NEK1: variants seen among roughly 807,000 people sequenced by gnomAD.
NEK1 encodes serine/threonine-protein kinase Nek1.
In NEK1, 137 loss-of-function variants were observed where a neutral mutation model predicts 182.1. That is an observed-to-expected ratio of 0.75 (90% CI 0.65 to 0.87). NEK1 has a LOEUF of 0.87. Ranked by LOEUF, NEK1 falls within the 40% of genes least tolerant of loss-of-function variation. The pLI is 0.00. For missense variants in NEK1, 1,391 were observed against 1,494.4 expected (o/e 0.93, Z 1.14); for synonymous variants, 513 against 492.2 (o/e 1.04, Z -0.56).
rs1257745947 is a variant in NEK1, at chr4:169,556,115, C to T, written c.1267-20G>A. 6.2e-7 allele frequency: 1 copy of T among 1,601,972 alleles called. No homozygotes were observed. Among genetic ancestry groups the T allele is most frequent in the Non-Finnish European group, 8.5e-7 (1 of 1,175,040 alleles). ...AGGAGCCTAGGGATTAAACAAAGAGCTCTCACATGTTTATCTTATAAGGCC... is the reference window on the plus strand; with the variant it reads ...AGGAGCCTAGGGATTAAACAAAGAGTTCTCACATGTTTATCTTATAAGGCC... On this transcript the variant is annotated intron_variant, in intron 16 of 35. Coordinates refer to ENST00000507142, the MANE Select transcript of NEK1 (RefSeq NM_001199397.3).
At chr4:169,542,818 T>C (rs550859401) in intron 18 of NEK1, among the ~76,000 whole-genome samples, 2 of 152,268 alleles carry the variant, frequency 1.3e-5, no homozygotes, top group East Asian at 3.9e-4. Flanking sequence ...TGTCTGTTCA[T>C]ATCCTTTGCC....
intron 18 of NEK1, among the ~76,000 whole-genome samples, chr4:169,543,100 CTAGGGTTTT>C (rs1759739424): frequency 1.3e-5 from 2 of 152,210 alleles, no homozygotes; most frequent in African/African-American, 4.8e-5. Context: ...AGGTTTTCTT[CTAGGGTTTT>C]TAGGGTTTTA....
At chr4:169,409,714 G>A (rs888821694) in intron 31 of NEK1, among the ~76,000 whole-genome samples, 3 of 151,932 alleles carry the variant, frequency 2.0e-5, no homozygotes, top group Middle Eastern at 3.2e-3. Flanking sequence ...GTTGTAGTGA[G>A]CCGAGATCAC....
chr4:169,453,883 C>T (rs751918104), intron 27 of NEK1, among the ~76,000 whole-genome samples: 1 of 152,134 alleles, frequency 6.6e-6, no homozygotes. Context: ...GTCTTTAATT[C>T]CTCTAGTGCG....
At chr4:169,497,173 T>G (rs1751480875) in intron 23 of NEK1, among the ~76,000 whole-genome samples, 1 of 152,232 alleles carries the variant, frequency 6.6e-6, no homozygotes, top group African/African-American at 2.4e-5. Flanking sequence ...TTCTTCTAGA[T>G]TTTCTAGTTT....
At chr4:169,581,942 A>G (rs905462878) in intron 10 of NEK1, among the ~76,000 whole-genome samples, 4 of 152,154 alleles carry the variant, frequency 2.6e-5, no homozygotes, top group African/African-American at 9.6e-5. Context: ...TACCCATTTA[A>G]TATTAGTATA....
At chr4:169,549,042 G>A (rs1322627735) in intron 18 of NEK1, among the ~76,000 whole-genome samples, 3 of 152,170 alleles carry the variant, frequency 2.0e-5, no homozygotes, top group Non-Finnish European at 4.4e-5. Context: ...TGGCTACCTC[G>A]GTGTCTGCCC....
intron 28 of NEK1, among the ~76,000 whole-genome samples, chr4:169,436,155 T>C (rs140756266): frequency 1.4e-4 from 22 of 152,352 alleles, no homozygotes; most frequent in African/African-American, 4.1e-4. Flanking sequence ...ATGCCAGCCT[T>C]GGCTTCCCAA....
intron 32 of NEK1, 131 bp from the exon 33 acceptor site, chr4:169,401,991 T>A: frequency 1.5e-6 from 1 of 659,394 alleles, no homozygotes; most frequent in Non-Finnish European, 2.4e-6. Context: ...ATCCTAATAG[T>A]AGATAACAAA....
At chr4:169,457,859 C>G (rs1743219181) in intron 27 of NEK1, among the ~76,000 whole-genome samples, 1 of 151,684 alleles carries the variant, frequency 6.6e-6, no homozygotes, top group South Asian at 2.1e-4. Context: ...AGACCGGAAG[C>G]TACATATTAA....
At chr4:169,530,931 G>T (rs911529143) in intron 19 of NEK1, among the ~76,000 whole-genome samples, 14 of 148,716 alleles carry the variant, frequency 9.4e-5, no homozygotes, top group African/African-American at 3.5e-4. Flanking sequence ...AAGGCAACTA[G>T]ATAAACAGGA....
intron 32 of NEK1, among the ~76,000 whole-genome samples, chr4:169,404,775 G>A (rs1474356731): frequency 1.8e-5 from 2 of 112,694 alleles, no homozygotes; most frequent in Non-Finnish European, 3.9e-5. Context: ...TTTTTTTATG[G>A]AAAAAAATTT....
At chr4:169,602,727 T>G (rs1445068291) in intron 2 of NEK1, 49 bp from the exon 3 acceptor site, 2 of 643,562 alleles carry the variant, frequency 3.1e-6, no homozygotes, top group Non-Finnish European at 5.5e-6. Flanking sequence ...ACATTATAAC[T>G]TCATAACAAT....
chr4:169,446,504 G>A (rs967980083), intron 27 of NEK1, among the ~76,000 whole-genome samples: 79 of 151,904 alleles, frequency 5.2e-4, no homozygotes, highest in African/African-American at 1.9e-3. Context: ...CCCAGACACC[G>A]ATGAACACCC....
At chr4:169,433,693 A>T (rs761559942) in intron 28 of NEK1, 28 bp from the exon 29 acceptor site, 8 of 1,606,636 alleles carry the variant, frequency 5.0e-6, no homozygotes, top group Non-Finnish European at 6.8e-6. Flanking sequence ...AACGAGAGAC[A>T]TCTCAAAGCA....
chr4:169,601,845 A>C (rs1770546215), intron 4 of NEK1, among the ~76,000 whole-genome samples, 163 bp downstream of exon 4: 1 of 152,170 alleles, frequency 6.6e-6, no homozygotes. Flanking sequence ...ATTTAAAAAA[A>C]AAAAAAAATG....
At chr4:169,447,220 C>T (rs1433156463) in intron 27 of NEK1, among the ~76,000 whole-genome samples, 1 of 152,110 alleles carries the variant, frequency 6.6e-6, no homozygotes, top group African/African-American at 2.4e-5. Context: ...GCAGACTTTT[C>T]AGCAAAAATC....
At chr4:169,416,245 G>A (rs1265406966) in intron 31 of NEK1, among the ~76,000 whole-genome samples, 2 of 152,106 alleles carry the variant, frequency 1.3e-5, no homozygotes, top group South Asian at 2.1e-4. Flanking sequence ...TCCACCATGC[G>A]AACTTTTTCA....
chr4:169,516,584 T>C (rs1389630213), intron 19 of NEK1, among the ~76,000 whole-genome samples: 1 of 71,198 alleles, frequency 1.4e-5, no homozygotes, highest in East Asian at 4.9e-4. Context: ...TGCCCACGCC[T>C]ATGTCCTGAA....
Sources: gnomAD v4.1 joint callset for allele counts (sites outside exome capture counted in the v4.1 genomes callset) on GRCh38, gnomAD v4.1.1 for gene constraint, MANE v1.5 for transcripts, NCBI Gene and HGNC (gene_info 2026-07-23, HGNC 2026-07-21) for gene names.